The following CDH8 variants were observed in gnomAD, a reference collection of about 807,000 sequenced individuals.
CDH8 encodes the protein cadherin 8.
In CDH8, 17 loss-of-function variants were observed where a neutral mutation model predicts 68.1. The ratio of observed to expected loss-of-function variants is 0.25; its 90% CI spans 0.17 to 0.37. The LOEUF (loss-of-function observed/expected upper bound fraction) is 0.37. Ranked by LOEUF, CDH8 falls within the 10% of genes least tolerant of loss-of-function variation. The pLI is 1.00. For synonymous variants in CDH8, 372 were observed against 365.1 expected (o/e 1.02, Z -0.21); for missense variants, 763 against 999.3 (o/e 0.76, Z 3.19).
intron 2 of CDH8, among the ~76,000 whole-genome samples, chr16:61,985,248 G>A (rs2150585320): frequency 6.6e-6 from 1 of 152,136 alleles, no homozygotes; most frequent in African/African-American, 2.4e-5. Context: ...AAAGCCATGA[G>A]ATATTCTAGA....
chr16:61,838,180 T>G (rs1376684194), intron 4 of CDH8, among the ~76,000 whole-genome samples: 1 of 152,130 alleles, frequency 6.6e-6, no homozygotes, highest in Non-Finnish European at 1.5e-5. Flanking sequence ...TTCTCTAGAT[T>G]TTTAAAGATT....
At chr16:61,801,377 G>C (rs761645007) in intron 7 of CDH8, among the ~76,000 whole-genome samples, 2 of 152,316 alleles carry the variant, frequency 1.3e-5, no homozygotes, top group African/African-American at 2.4e-5. Context: ...AGGTTGAGAA[G>C]TGTGCCCTGT....
At chr16:61,719,937 C>A (rs1185012910) in intron 9 of CDH8, among the ~76,000 whole-genome samples, 3 of 150,698 alleles carry the variant, frequency 2.0e-5, no homozygotes, top group Admixed American at 1.3e-4. Context: ...TAAAACAAAA[C>A]AAACAGAAGA....
intron 4 of CDH8, among the ~76,000 whole-genome samples, chr16:61,855,493 T>G (rs759317710): frequency 4.6e-5 from 7 of 152,162 alleles, no homozygotes; most frequent in Non-Finnish European, 7.4e-5. Flanking sequence ...GAGATTAGCC[T>G]TTGTGATTTT....
chr16:61,853,634 T>G (rs536011852), intron 4 of CDH8, among the ~76,000 whole-genome samples: 4 of 152,180 alleles, frequency 2.6e-5, no homozygotes, highest in African/African-American at 9.6e-5. Context: ...CTGGGTCACT[T>G]CCTGAAGTAA....
In CDH8 at chr16:61,960,023, T is replaced by C. The variant is rs796918599; in HGVS notation, c.253-58550A>G. 3.2e-3 allele frequency among the ~76,000 whole-genome samples: 176 copies of C among 54,436 alleles called. 21 individuals carry two copies. The highest frequency in any genetic ancestry group is 6.4e-3 in the African/African-American group (55 of 8,612). The allele number at this position is 54,436 out of a possible 152,430, so 35.7% of individuals were successfully genotyped here. On this transcript the variant is annotated intron_variant, in intron 2 of 11. Coordinates refer to ENST00000577390, the MANE Select transcript of CDH8 (RefSeq NM_001796.5). ...ATATATATATATATATATACACACA[T>C]ACACACACACACACAACATATATGT...
intron 4 of CDH8, among the ~76,000 whole-genome samples, chr16:61,840,037 G>A (rs756701784): frequency 4.6e-5 from 7 of 151,986 alleles, no homozygotes; most frequent in Admixed American, 1.3e-4. Flanking sequence ...TTCTATAAAG[G>A]TATTCCTGCT....
At chr16:61,659,374 G>T (rs1364670315) in intron 10 of CDH8, among the ~76,000 whole-genome samples, 1 of 152,114 alleles carries the variant, frequency 6.6e-6, no homozygotes, top group Non-Finnish European at 1.5e-5. Flanking sequence ...ACTCCAAACT[G>T]GTTTAGCCAA....
intron 5 of CDH8, among the ~76,000 whole-genome samples, chr16:61,823,044 C>A (rs7187971): frequency 0.031 from 4,750 of 151,950 alleles, 242 homozygotes; most frequent in African/African-American, 0.11. Flanking sequence ...GTAATGGCAA[C>A]TGCAAAGGCA....
chr16:61,941,479 C>T (rs1964724018), intron 2 of CDH8, among the ~76,000 whole-genome samples: 1 of 152,172 alleles, frequency 6.6e-6, no homozygotes, highest in Non-Finnish European at 1.5e-5. Flanking sequence ...TTTCACTCTT[C>T]ACTCTTGTTG....
At chr16:61,675,720 G>A (rs1295189626) in intron 10 of CDH8, among the ~76,000 whole-genome samples, 2 of 151,484 alleles carry the variant, frequency 1.3e-5, no homozygotes, top group East Asian at 1.9e-4. Flanking sequence ...ACTTTATAAT[G>A]TATAGAAATA....
intron 2 of CDH8, among the ~76,000 whole-genome samples, chr16:62,007,338 G>A (rs989759751): frequency 1.3e-5 from 2 of 152,114 alleles, no homozygotes; most frequent in Non-Finnish European, 2.9e-5. Context: ...TGACAATTTT[G>A]TTTAAAGACT....
chr16:61,788,167 G>T (rs1961284052), intron 8 of CDH8, among the ~76,000 whole-genome samples: 1 of 150,920 alleles, frequency 6.6e-6, no homozygotes, highest in African/African-American at 2.4e-5. Flanking sequence ...TATAAGGCTT[G>T]GTAGAGGACA....
At chr16:61,814,370 G>A (rs980825618) in intron 7 of CDH8, among the ~76,000 whole-genome samples, 1 of 152,146 alleles carries the variant, frequency 6.6e-6, no homozygotes, top group Non-Finnish European at 1.5e-5. Context: ...GTAAGATGAC[G>A]GATTTTTCTC....
At chr16:62,034,505 G>A (rs1009763802) in intron 1 of CDH8, among the ~76,000 whole-genome samples, 2 of 152,070 alleles carry the variant, frequency 1.3e-5, no homozygotes, top group East Asian at 1.9e-4. Context: ...GAGAACAGGC[G>A]CTTCAAAAGC....
intron 8 of CDH8, among the ~76,000 whole-genome samples, chr16:61,772,513 T>G (rs2142987394): frequency 6.6e-6 from 1 of 152,150 alleles, no homozygotes; most frequent in East Asian, 1.9e-4. Context: ...TGCCAAAGAA[T>G]ACAGAAAGGG....
intron 8 of CDH8, among the ~76,000 whole-genome samples, chr16:61,742,027 T>C (rs1291598672): frequency 6.6e-6 from 1 of 152,152 alleles, no homozygotes; most frequent in African/African-American, 2.4e-5. Context: ...CTTTTGTGTG[T>C]TTAATCTGTA....
intron 10 of CDH8, among the ~76,000 whole-genome samples, chr16:61,671,388 T>C (rs1055934494): frequency 7.9e-5 from 12 of 151,482 alleles, no homozygotes; most frequent in African/African-American, 2.9e-4. Context: ...GATTGTGTGG[T>C]CCAGCCAGGG....
chr16:61,926,320 A>T (rs1209201492), intron 2 of CDH8, among the ~76,000 whole-genome samples: 1 of 152,178 alleles, frequency 6.6e-6, no homozygotes, highest in Non-Finnish European at 1.5e-5. Context: ...AAAAAATAAG[A>T]AAACAGATAT....
Sources: gnomAD v4.1 joint callset for allele counts (sites outside exome capture counted in the v4.1 genomes callset) on GRCh38, gnomAD v4.1.1 for gene constraint, MANE v1.5 for transcripts, NCBI Gene and HGNC (gene_info 2026-07-23, HGNC 2026-07-21) for gene names.